CAPSL: variants seen among roughly 807,000 people sequenced by gnomAD.
CAPSL encodes the protein calcyphosin-like protein.
In CAPSL, 17 loss-of-function variants were observed where a neutral mutation model predicts 21.3. The ratio of observed to expected loss-of-function variants is 0.80; its 90% CI spans 0.55 to 1.20. CAPSL has a LOEUF of 1.20. Among genes scored for constraint, CAPSL ranks in the 50% most tolerant of loss-of-function variants. The pLI, the probability that CAPSL is intolerant of heterozygous loss-of-function variation, is 0.00. For missense variants in CAPSL, 289 were observed against 259.3 expected (o/e 1.11, Z -0.79); for synonymous variants, 102 against 89.3 (o/e 1.14, Z -0.80).
At position 35,919,170 on chromosome 5, in the gene CAPSL, A is replaced by AAAAAAAATATATATATATAT. The variant is rs754098152; in HGVS notation, c.137+1813_137+1814insATATATATATATATTTTTTT. ...AGTATCTTTCCTGATTAAAAAAAAA[A>AAAAAAAATATATATATATAT]ATATATATATATATATATATAAAAA... On this transcript the variant is annotated intron_variant, in intron 2 of 4. Transcript: ENST00000651391. Among the ~76,000 whole-genome samples the AAAAAAAATATATATATATAT allele has an allele frequency of 6.0e-4, 73 of 121,256 alleles. No individual in the cohort carries two copies. In the South Asian group the frequency reaches 0.012, roughly 21 times the overall value. 79.5% of individuals were successfully genotyped at this position (121,256 alleles called of 152,430 possible).
At chr5:35,926,685 G>A (rs2149929965) in intron 1 of CAPSL, among the ~76,000 whole-genome samples, 1 of 152,242 alleles carries the variant, frequency 6.6e-6, no homozygotes, top group Non-Finnish European at 1.5e-5. Flanking sequence ...TCCTTTCTCT[G>A]TTCCTCTCCA....
intron 2 of CAPSL, among the ~76,000 whole-genome samples, chr5:35,917,447 C>T (rs1236727883): frequency 6.6e-6 from 1 of 152,130 alleles, no homozygotes; most frequent in African/African-American, 2.4e-5. Context: ...TTCACAATAG[C>T]AAAGACTTGG....
In CAPSL at chr5:35,910,016, C is replaced by T. The variant is rs1284092094; in HGVS notation, c.375G>A (p.Lys125=). ...VIMQAFRKLD[K]TGDGVITIED... is the part of the protein sequence containing the mutation. ...CGATTGTTATAACACCATCTCCAGT[C>T]TTGTCTAACTTTCTAAAAGCTTGCA... Residue 125 remains lysine, a synonymous_variant, in exon 4 of 5, where the codon AAG becomes AAA. Transcript: ENST00000651391. The T allele has an allele frequency of 6.2e-7, 1 of 1,613,460 alleles. No individual in the cohort carries two copies. The highest frequency in any genetic ancestry group is 1.1e-5 in the South Asian group (1 of 90,786).
chr5:35,904,290 G>A lies in CAPSL; in HGVS notation c.*255C>T, dbSNP rs903235061. On this transcript the variant is annotated 3_prime_UTR_variant, in exon 5 of 5. Transcript: ENST00000651391. ...ACCTGCATGTATCAGCACAGCACTA[G>A]GAGCTTTACAGAGCTCATTTTATTT... 48 of 510,868 alleles carry A rather than the reference G, an allele frequency of 9.4e-5. No individual in the cohort carries two copies. Among genetic ancestry groups the A allele is most frequent in the Admixed American group, 1.1e-4 (3 of 28,528 alleles). The allele number at this position is 510,868 out of a possible 1,614,324, so 31.6% of individuals were successfully genotyped here.
rs1445899 is a variant in CAPSL, at chr5:35,910,317, C to T, written c.315+49G>A. 0.46 allele frequency: 723,804 copies of T among 1,575,232 alleles called. 173,946 individuals carry two copies. Among genetic ancestry groups the T allele is most frequent in the East Asian group, 0.77 (34,226 of 44,492 alleles). ...AAACCTCAAGGTAGCCAACCCAAAC[C>T]ACGTGAAAGCCAAACTCAGCAGATA... On this transcript the variant is annotated intron_variant, in intron 3 of 4. Coordinates refer to ENST00000651391, the MANE Select transcript of CAPSL (RefSeq NM_001042625.2).
rs182915192 is a variant in CAPSL at position 35,913,083 on chromosome 5, C to T, written c.138-2540G>A. On this transcript the variant is annotated intron_variant, in intron 2 of 4. Coordinates refer to ENST00000651391, the MANE Select transcript of CAPSL (RefSeq NM_001042625.2). The stretch of plus-strand genomic sequence containing the variant: ...AATGCACAAGCCTCAGTAGCCAATT[C>T]GATCAACTGGAAGAAAGGGTATCAG... 2.3e-3 allele frequency among the ~76,000 whole-genome samples: 344 copies of T among 152,180 alleles called. 2 individuals are homozygous for T. Among genetic ancestry groups the T allele is most frequent in the Middle Eastern group, 0.01 (3 of 294 alleles).
rs1007061080 is a variant in CAPSL at position 35,921,077 on chromosome 5, G to A, written c.44C>T (p.Ala15Val). 6.2e-7 allele frequency: 1 copy of A among 1,613,980 alleles called. No homozygotes were observed. The change falls in exon 2 of 5, where the codon GCC becomes GTC. Residue 15 changes from alanine (A) to valine (V), a missense_variant. By Grantham distance (64) the Ala-to-Val change is moderately conservative. Coordinates refer to ENST00000651391, the MANE Select transcript of CAPSL (RefSeq NM_001042625.2). ...GGTGGCCGTGGTGAGCTTTTTCTTGGCCTGGATCGCCATCTCTCGGTCATG... is the reference window on the plus strand; with the variant it reads ...GGTGGCCGTGGTGAGCTTTTTCTTGACCTGGATCGCCATCTCTCGGTCATG... ...ARHDREMAIQAKKKLTTATDP... is the reference protein window; with the variant it reads ...ARHDREMAIQVKKKLTTATDP...
rs1424175093 is a variant in CAPSL, at chr5:35,910,456, C to T, written c.225G>A (p.Met75Ile). The T allele has an allele frequency of 4.3e-6, 7 of 1,613,600 alleles. No homozygotes were observed. Among genetic ancestry groups the T allele is most frequent in the Non-Finnish European group, 5.9e-6 (7 of 1,179,580 alleles). Residue 75 changes from methionine to isoleucine, a missense_variant, in exon 3 of 5, where the codon ATG (methionine) becomes ATA (isoleucine). Transcript: ENST00000651391. Reference protein sequence around the residue: ...MKGLNDYAVVMEKEEVEELFR... With the variant: ...MKGLNDYAVVIEKEEVEELFR... Reference sequence around the variant, plus strand: ...AAAGTTCTTCCACCTCTTCTTTTTCCATGACCACAGCATAATCATTTAACC... The same window carrying T: ...AAAGTTCTTCCACCTCTTCTTTTTCTATGACCACAGCATAATCATTTAACC...
intron 2 of CAPSL, among the ~76,000 whole-genome samples, chr5:35,919,170 A>AT (rs1554069748): frequency 0.02 from 2,419 of 121,204 alleles, 87 homozygotes; most frequent in African/African-American, 0.065. Flanking sequence ...TAAAAAAAAA[A>AT]ATATATATAT....
intron 4 of CAPSL, among the ~76,000 whole-genome samples, chr5:35,905,253 C>T (rs1760649838): frequency 6.6e-6 from 1 of 152,172 alleles, no homozygotes; most frequent in Admixed American, 6.5e-5. Flanking sequence ...GAAATATTGA[C>T]TAATGTGTTT....
In CAPSL at chr5:35,910,255, C is replaced by G; in HGVS notation, c.315+111G>C. 2.4e-6 allele frequency: 3 copies of G among 1,250,454 alleles called. No individual in the cohort carries two copies. The South Asian group carries it at 4.5e-5, about 19-fold the overall frequency. The allele number at this position is 1,250,454 out of a possible 1,614,324, so 77.5% of individuals were successfully genotyped here. On this transcript the variant is annotated intron_variant, in intron 3 of 4. Transcript: ENST00000651391. ...AGTCTGTTCACAGTTTTCTGCTTATCCCCCTCCCCACAGTGTACTAACAAC... is the reference window on the plus strand; with the variant it reads ...AGTCTGTTCACAGTTTTCTGCTTATGCCCCTCCCCACAGTGTACTAACAAC...
intron 2 of CAPSL, among the ~76,000 whole-genome samples, chr5:35,919,683 C>A (rs931539676): frequency 1.9e-4 from 29 of 152,098 alleles, no homozygotes; most frequent in African/African-American, 7.0e-4. Context: ...CTTCAACTGA[C>A]CCTAAGGTAG....
At chr5:35,914,485 A>G (rs1429389305) in intron 2 of CAPSL, among the ~76,000 whole-genome samples, 5 of 152,256 alleles carry the variant, frequency 3.3e-5, no homozygotes, top group African/African-American at 1.2e-4. Flanking sequence ...CAAATGTAAA[A>G]GAACAGAAAT....
chr5:35,908,462 G>A (rs529722240), intron 4 of CAPSL, among the ~76,000 whole-genome samples: 1 of 152,306 alleles, frequency 6.6e-6, no homozygotes, highest in East Asian at 1.9e-4. Flanking sequence ...ACTTGAATCA[G>A]CCGAATCACA....
chr5:35,909,727 T>A (rs1738160673), intron 4 of CAPSL, 139 bp downstream of exon 4: 1 of 743,504 alleles, frequency 1.3e-6, no homozygotes, highest in Admixed American at 3.1e-5. Flanking sequence ...AGTTTCTAGA[T>A]TGTTCCTAGG....
Position 35,921,101 on chromosome 5 carries a change from T to C in CAPSL, c.20A>G (p.His7Arg). The C allele has an allele frequency of 3.1e-6, 5 of 1,614,034 alleles. No homozygotes were observed. The highest frequency in any genetic ancestry group is 4.2e-6 in the Non-Finnish European group (5 of 1,180,022). The part of the protein sequence containing the change: MAGTAR[H>R]DREMAIQAKK... ...GGCCTGGATCGCCATCTCTCGGTCATGGCGCGCTGTCCCTGCCATCTGAGG... is the reference window on the plus strand; with the variant it reads ...GGCCTGGATCGCCATCTCTCGGTCACGGCGCGCTGTCCCTGCCATCTGAGG... Residue 7 changes from histidine (H) to arginine (R), a missense_variant, in exon 2 of 5, where the codon CAT (histidine) becomes CGT (arginine). Coordinates refer to ENST00000651391, the MANE Select transcript of CAPSL (RefSeq NM_001042625.2).
chr5:35,924,637 A>G (rs1223663034), intron 1 of CAPSL, among the ~76,000 whole-genome samples: 1 of 152,154 alleles, frequency 6.6e-6, no homozygotes, highest in Non-Finnish European at 1.5e-5. Context: ...TTAATCATTG[A>G]ATCACCCAGT....
chr5:35,911,566 A>G (rs981874024), intron 2 of CAPSL, among the ~76,000 whole-genome samples: 6 of 152,224 alleles, frequency 3.9e-5, no homozygotes, highest in Admixed American at 3.9e-4. Flanking sequence ...AAACTGTCAT[A>G]ACCAACAGGA....
intron 1 of CAPSL, among the ~76,000 whole-genome samples, chr5:35,923,668 G>A (rs1029058306): frequency 2.8e-5 from 4 of 143,564 alleles, no homozygotes; most frequent in East Asian, 2.4e-4. Flanking sequence ...CACATTGTAC[G>A]ATTTCATTTA....
Sources: gnomAD v4.1 joint callset for allele counts (sites outside exome capture counted in the v4.1 genomes callset) on GRCh38, gnomAD v4.1.1 for gene constraint, MANE v1.5 for transcripts, NCBI Gene and HGNC (gene_info 2026-07-23, HGNC 2026-07-21) for gene names.